The following CDH12 variants were observed in gnomAD, a reference collection of about 807,000 sequenced individuals.
CDH12 encodes cadherin-12.
Under a neutral mutation model 74.1 loss-of-function variants are expected in CDH12, and 41 were observed. The ratio of observed to expected loss-of-function variants is 0.55; its 90% CI spans 0.43 to 0.72. CDH12 has a LOEUF of 0.72. Ranked by LOEUF, CDH12 falls within the 30% of genes least tolerant of loss-of-function variation. The probability of loss-of-function intolerance (pLI) is 0.00; values close to 1 mark genes in which losing one functional copy is unlikely to be tolerated. For synonymous variants in CDH12, 399 were observed against 355.0 expected (o/e 1.12, Z -1.39); for missense variants, 945 against 977.2 (o/e 0.97, Z 0.44).
At chr5:22,726,455 T>A (rs950704071) in intron 1 of CDH12, among the ~76,000 whole-genome samples, 5 of 151,900 alleles carry the variant, frequency 3.3e-5, no homozygotes, top group African/African-American at 1.2e-4. Flanking sequence ...AAAGACATAT[T>A]GATTACCTAG....
At chr5:22,625,166 G>A (rs1387649382) in intron 1 of CDH12, among the ~76,000 whole-genome samples, 1 of 152,118 alleles carries the variant, frequency 6.6e-6, no homozygotes, top group African/African-American at 2.4e-5. Context: ...GTCTTGGGTT[G>A]TGGGGAGCGG....
At chr5:21,781,044 A>G (rs1745878213) in intron 11 of CDH12, among the ~76,000 whole-genome samples, 1 of 152,120 alleles carries the variant, frequency 6.6e-6, no homozygotes, top group African/African-American at 2.4e-5. Flanking sequence ...CTTGGTAGCT[A>G]ACTCACTGAT....
intron 6 of CDH12, among the ~76,000 whole-genome samples, chr5:21,870,615 T>A (rs1055741076): frequency 6.6e-6 from 1 of 152,202 alleles, no homozygotes; most frequent in Non-Finnish European, 1.5e-5. Context: ...AAATAGATTA[T>A]AACAATAAGA....
chr5:22,038,317 G>A (rs113733648), intron 5 of CDH12, among the ~76,000 whole-genome samples: 1,545 of 152,208 alleles, frequency 0.01, 16 homozygotes, highest in African/African-American at 0.036. Flanking sequence ...CATCCCTGGA[G>A]CCACCCCACT....
chr5:22,418,721 T>C (rs1743505251), intron 2 of CDH12, among the ~76,000 whole-genome samples: 1 of 151,970 alleles, frequency 6.6e-6, no homozygotes, highest in Non-Finnish European at 1.5e-5. Flanking sequence ...TCGTCTCTAT[T>C]GAAACTACAA....
chr5:22,468,083 C>T (rs1745806779), intron 2 of CDH12, among the ~76,000 whole-genome samples: 1 of 152,130 alleles, frequency 6.6e-6, no homozygotes, highest in African/African-American at 2.4e-5. Context: ...CCCAATACCC[C>T]CACCAGTGAA....
intron 6 of CDH12, among the ~76,000 whole-genome samples, chr5:21,901,511 T>C (rs1206495381): frequency 6.6e-6 from 1 of 152,198 alleles, no homozygotes; most frequent in Non-Finnish European, 1.5e-5. Flanking sequence ...CAACTGACTT[T>C]AGAAGTGACA....
intron 2 of CDH12, among the ~76,000 whole-genome samples, chr5:22,416,024 A>G (rs2126483849): frequency 1.4e-5 from 2 of 147,246 alleles, no homozygotes; most frequent in Middle Eastern, 7.5e-3. Context: ...CCTGTTTTAA[A>G]TTGAAATATA....
At chr5:22,577,506 A>C (rs1020424366) in intron 1 of CDH12, among the ~76,000 whole-genome samples, 3 of 152,176 alleles carry the variant, frequency 2.0e-5, no homozygotes, top group African/African-American at 7.2e-5. Flanking sequence ...ACATATTCTA[A>C]TAACTTCCTA....
chr5:22,261,241 G>A (rs1342080806), intron 3 of CDH12, among the ~76,000 whole-genome samples: 4 of 151,688 alleles, frequency 2.6e-5, no homozygotes, highest in African/African-American at 9.7e-5. Flanking sequence ...AATTTATACA[G>A]TTTATTGATA....
intron 1 of CDH12, among the ~76,000 whole-genome samples, chr5:22,816,632 C>T (rs1009798163): frequency 3.3e-5 from 5 of 152,196 alleles, no homozygotes; most frequent in African/African-American, 1.2e-4. Flanking sequence ...TATTAAGTTT[C>T]CAACCACTTT....
At chr5:22,625,763 C>T (rs928726515) in intron 1 of CDH12, among the ~76,000 whole-genome samples, 4 of 152,068 alleles carry the variant, frequency 2.6e-5, no homozygotes. Flanking sequence ...CCTGGAGGCC[C>T]TCATCATAGC....
chr5:22,026,391 A>G (rs1002433336), intron 5 of CDH12, among the ~76,000 whole-genome samples: 1 of 152,148 alleles, frequency 6.6e-6, no homozygotes. Flanking sequence ...AGACAGCATA[A>G]AATTTGACCA....
intron 5 of CDH12, among the ~76,000 whole-genome samples, chr5:21,981,035 T>A (rs897750147): frequency 1.3e-5 from 2 of 152,300 alleles, no homozygotes; most frequent in East Asian, 3.9e-4. Flanking sequence ...TTGTTTCTAT[T>A]TTCATTCTTT....
intron 1 of CDH12, among the ~76,000 whole-genome samples, chr5:22,739,341 A>G (rs1744902036): frequency 1.3e-5 from 2 of 151,716 alleles, no homozygotes; most frequent in South Asian, 4.1e-4. Flanking sequence ...CATTAAAGAA[A>G]AAACTCTGAC....
intron 3 of CDH12, among the ~76,000 whole-genome samples, chr5:22,295,080 T>C (rs1737564975): frequency 6.6e-6 from 1 of 152,118 alleles, no homozygotes. Context: ...TTCCATTAGC[T>C]CCTCCTGTTG....
intron 6 of CDH12, among the ~76,000 whole-genome samples, chr5:21,909,364 C>A (rs752133187): frequency 1.3e-5 from 2 of 152,176 alleles, no homozygotes; most frequent in African/African-American, 2.4e-5. Flanking sequence ...TGCCAGCAGC[C>A]TCTGCTGAGA....
intron 1 of CDH12, among the ~76,000 whole-genome samples, chr5:22,671,938 C>G (rs1455652164): frequency 3.4e-5 from 5 of 148,912 alleles, no homozygotes; most frequent in African/African-American, 1.2e-4. Context: ...AGAATCATTA[C>G]CTCAGTCACC....
At chr5:21,907,725 A>G (rs1020508113) in intron 6 of CDH12, among the ~76,000 whole-genome samples, 6 of 152,170 alleles carry the variant, frequency 3.9e-5, no homozygotes, top group African/African-American at 1.4e-4. Context: ...CTGCTGCTCT[A>G]CCTGGCTTGG....
Sources: gnomAD v4.1 joint callset for allele counts (sites outside exome capture counted in the v4.1 genomes callset) on GRCh38, gnomAD v4.1.1 for gene constraint, MANE v1.5 for transcripts, NCBI Gene and HGNC (gene_info 2026-07-23, HGNC 2026-07-21) for gene names.